The following GMDS variants were observed in gnomAD, a reference collection of about 807,000 sequenced individuals.
GMDS encodes GDP-mannose 4,6 dehydratase.
In GMDS, 20 loss-of-function variants were observed where a neutral mutation model predicts 49.9. The observed-to-expected ratio is 0.40, with a 90% CI of 0.28 to 0.58. GMDS has a LOEUF of 0.58. Ranked by LOEUF, GMDS falls within the 20% of genes least tolerant of loss-of-function variation. GMDS has a pLI of 0.42. For synonymous variants in GMDS, 177 were observed against 178.6 expected, an observed-to-expected ratio of 0.99 and a Z score of 0.07; for missense variants, 362 against 481.4, an observed-to-expected ratio of 0.75 and a Z score of 2.32.
At position 1,960,826 on chromosome 6, in the gene GMDS, C is replaced by A. The variant is rs757751436; in HGVS notation, c.486G>T (p.Val162=). ...QASTSELYGK[V]QEIPQKETTP... Reference sequence around the variant, plus strand: ...TGGTCTCCTTCTGGGGTATTTCCTGCACTTTCCCATAAAGTTCACTTGTTG... The same window carrying A: ...TGGTCTCCTTCTGGGGTATTTCCTGAACTTTCCCATAAAGTTCACTTGTTG... Residue 162 remains valine, a synonymous_variant, in exon 5 of 11, where the codon GTG becomes GTT. Coordinates refer to ENST00000380815, the MANE Select transcript of GMDS (RefSeq NM_001500.4). 122 of 1,611,516 alleles carry A rather than the reference C, an allele frequency of 7.6e-5. No homozygotes were observed. Among genetic ancestry groups the A allele is most frequent in the Non-Finnish European group, 1.0e-4 (120 of 1,178,114 alleles).
At chr6:1,807,491 A>G (rs1278123411) in intron 7 of GMDS, among the ~76,000 whole-genome samples, 1 of 152,192 alleles carries the variant, frequency 6.6e-6, no homozygotes, top group African/African-American at 2.4e-5. Context: ...AGACCCATGG[A>G]CTGTGAACCC....
At chr6:1,989,890 G>C (rs1277586148) in intron 4 of GMDS, among the ~76,000 whole-genome samples, 1 of 152,382 alleles carries the variant, frequency 6.6e-6, no homozygotes, top group Middle Eastern at 3.4e-3. Context: ...TGCAATTTTG[G>C]ACATGGTACT....
At chr6:2,080,647 C>T (rs753962125) in intron 4 of GMDS, among the ~76,000 whole-genome samples, 277 of 152,186 alleles carry the variant, frequency 1.8e-3, no homozygotes, top group Non-Finnish European at 2.2e-3. Context: ...GCTGTGGTAA[C>T]GTTTTGCTAG....
intron 7 of GMDS, among the ~76,000 whole-genome samples, chr6:1,904,674 G>T (rs979640116): frequency 1.5e-4 from 23 of 152,186 alleles, no homozygotes; most frequent in Admixed American, 1.5e-3. Flanking sequence ...CCAGCAATGC[G>T]CAGTACCTTC....
intron 6 of GMDS, among the ~76,000 whole-genome samples, chr6:1,956,201 C>T (rs1763628744): frequency 1.3e-5 from 2 of 152,144 alleles, no homozygotes; most frequent in South Asian, 2.1e-4. Flanking sequence ...CAGCTGGGGC[C>T]AGCAAATGTT....
intron 1 of GMDS, among the ~76,000 whole-genome samples, chr6:2,175,501 T>C (rs1048297921): frequency 3.9e-5 from 6 of 151,920 alleles, no homozygotes; most frequent in South Asian, 2.1e-4. Flanking sequence ...CCTGAGGGAG[T>C]TGTGTCGACA....
intron 7 of GMDS, among the ~76,000 whole-genome samples, chr6:1,794,321 A>T (rs1769654777): frequency 6.6e-6 from 1 of 152,216 alleles, no homozygotes; most frequent in Admixed American, 6.5e-5. Context: ...TGAGGCAAAA[A>T]AAAAAATACT....
At chr6:1,720,524 G>T (rs535593996) in intron 9 of GMDS, among the ~76,000 whole-genome samples, 7 of 152,190 alleles carry the variant, frequency 4.6e-5, no homozygotes, top group Non-Finnish European at 8.8e-5. Context: ...CAAGCAGTAA[G>T]AAGTTCAGAG....
At chr6:2,119,110 T>G (rs1319689807) in intron 2 of GMDS, among the ~76,000 whole-genome samples, 1 of 152,206 alleles carries the variant, frequency 6.6e-6, no homozygotes, top group East Asian at 1.9e-4. Context: ...AAGAGTAATT[T>G]AAGTTTGACA....
At chr6:1,900,920 T>C (rs1455570257) in intron 7 of GMDS, among the ~76,000 whole-genome samples, 1 of 152,258 alleles carries the variant, frequency 6.6e-6, no homozygotes, top group Non-Finnish European at 1.5e-5. Context: ...GACTCAGTTA[T>C]GCCAACATGT....
intron 7 of GMDS, among the ~76,000 whole-genome samples, chr6:1,831,579 T>C (rs1326242102): frequency 6.6e-6 from 1 of 152,220 alleles, no homozygotes; most frequent in Non-Finnish European, 1.5e-5. Flanking sequence ...TAGGATGCCA[T>C]GTCACTCAGG....
intron 1 of GMDS, among the ~76,000 whole-genome samples, chr6:2,127,570 C>T (rs938487771): frequency 6.6e-6 from 1 of 152,250 alleles, no homozygotes; most frequent in African/African-American, 2.4e-5. Flanking sequence ...TCCAACCACA[C>T]TGGAACATTC....
intron 7 of GMDS, among the ~76,000 whole-genome samples, chr6:1,899,564 C>T (rs542736221): frequency 2.0e-5 from 3 of 152,206 alleles, no homozygotes; most frequent in Non-Finnish European, 2.9e-5. Flanking sequence ...GAGAGAAAGC[C>T]GGTGGGCCAT....
At chr6:2,101,659 T>TA (rs1388475673) in intron 4 of GMDS, among the ~76,000 whole-genome samples, 1 of 151,888 alleles carries the variant, frequency 6.6e-6, no homozygotes. Flanking sequence ...TTATCTAAAA[T>TA]AAAGACACAA....
At chr6:1,988,574 A>G (rs918407956) in intron 4 of GMDS, among the ~76,000 whole-genome samples, 2 of 152,066 alleles carry the variant, frequency 1.3e-5, no homozygotes, top group Admixed American at 6.5e-5. Flanking sequence ...ATAACCCTCC[A>G]TGTGAATTTT....
At chr6:1,951,970 T>G (rs1763360524) in intron 6 of GMDS, 1 of 983,184 alleles carries the variant, frequency 1.0e-6, no homozygotes, top group East Asian at 1.1e-4. Context: ...GGGGTTTCTT[T>G]GCTCAAGTTC....
intron 9 of GMDS, among the ~76,000 whole-genome samples, chr6:1,710,515 G>A (rs1257999828): frequency 1.3e-5 from 2 of 152,186 alleles, no homozygotes; most frequent in Non-Finnish European, 2.9e-5. Context: ...AACTGTGTAG[G>A]GACAATGCCC....
intron 4 of GMDS, among the ~76,000 whole-genome samples, chr6:2,034,491 G>A (rs115880014): frequency 0.017 from 2,604 of 152,180 alleles, 74 homozygotes; most frequent in African/African-American, 0.058. Flanking sequence ...TGATAGTTAC[G>A]CAACTCTAGG....
chr6:2,207,136 C>G (rs897366950), intron 1 of GMDS, among the ~76,000 whole-genome samples: 8 of 152,334 alleles, frequency 5.3e-5, no homozygotes, highest in Admixed American at 5.2e-4. Flanking sequence ...CAGTCAAGAA[C>G]TGCTGATTAC....
Sources: allele counts gnomAD v4.1 joint callset (sites outside exome capture counted in the v4.1 genomes callset), GRCh38; gene constraint gnomAD v4.1.1; transcripts MANE v1.5; gene names NCBI Gene and HGNC (gene_info 2026-07-23, HGNC 2026-07-21).